The following KIAA1217 variants were observed in gnomAD, a reference collection of about 807,000 sequenced individuals.
The protein encoded by KIAA1217 is sickle tail protein homolog.
In KIAA1217, 88 loss-of-function variants were observed where a neutral mutation model predicts 163.9. That is an observed-to-expected ratio of 0.54 (90% CI 0.45 to 0.64). The LOEUF is 0.64. KIAA1217 is among the 30% of genes least tolerant of loss of function. The pLI is 0.00. For missense variants in KIAA1217, 2,372 were observed against 2,475.0 expected (o/e 0.96, Z 0.88); for synonymous variants, 903 against 923.1 (o/e 0.98, Z 0.39).
intron 2 of KIAA1217, among the ~76,000 whole-genome samples, chr10:24,147,424 A>G (rs1201073340): frequency 6.6e-6 from 1 of 152,158 alleles, no homozygotes; most frequent in Non-Finnish European, 1.5e-5. Flanking sequence ...AATTCTTTGA[A>G]GAGGCCAGTT....
chr10:24,342,781 CCA>C (rs1054727732), intron 2 of KIAA1217, among the ~76,000 whole-genome samples: 1 of 151,622 alleles, frequency 6.6e-6, no homozygotes, highest in African/African-American at 2.4e-5. Context: ...GCCTCAGCTT[CCA>C]GAGTAGCTGG....
chr10:23,714,152 A>G (rs932951685), intron 1 of KIAA1217, among the ~76,000 whole-genome samples: 16 of 151,900 alleles, frequency 1.1e-4, no homozygotes, highest in Non-Finnish European at 2.1e-4. Flanking sequence ...GCTAAGACCA[A>G]CCTTCTAAAT....
chr10:23,830,163 A>G (rs1838110178), intron 1 of KIAA1217, among the ~76,000 whole-genome samples: 1 of 152,136 alleles, frequency 6.6e-6, no homozygotes, highest in Non-Finnish European at 1.5e-5. Context: ...TTTTTGGGTA[A>G]GGTAAATTAT....
chr10:24,189,719 C>A (rs776986513), intron 2 of KIAA1217, among the ~76,000 whole-genome samples: 1 of 152,108 alleles, frequency 6.6e-6, no homozygotes, highest in Non-Finnish European at 1.5e-5. Flanking sequence ...CAGTCTTGTA[C>A]AAGTATGATT....
chr10:23,786,694 A>G (rs1019121859), intron 1 of KIAA1217, among the ~76,000 whole-genome samples: 2 of 152,152 alleles, frequency 1.3e-5, no homozygotes, highest in African/African-American at 2.4e-5. Context: ...CTAATGAAGG[A>G]TTGAAAATTA....
rs189266578 is a variant in KIAA1217 at position 24,315,312 on chromosome 10, A to G, written c.355-65557A>G. 8.4e-4 allele frequency among the ~76,000 whole-genome samples: 128 copies of G among 152,288 alleles called. 1 individual carries two copies. The highest frequency in any genetic ancestry group is 3.0e-3 in the African/African-American group (124 of 41,552). Reference sequence around the variant, plus strand: ...TTTTTCAAAGGTAAAAAGGAGCCCAAATTTCACAGAATGATCTCCCGCTTC... The same window carrying G: ...TTTTTCAAAGGTAAAAAGGAGCCCAGATTTCACAGAATGATCTCCCGCTTC... On this transcript the variant is annotated intron_variant, in intron 2 of 20. Transcript: ENST00000376454.
chr10:24,452,857 C>T (rs1211443106), intron 5 of KIAA1217, among the ~76,000 whole-genome samples: 1 of 151,980 alleles, frequency 6.6e-6, no homozygotes, highest in Admixed American at 6.6e-5. Context: ...TACCCTGATG[C>T]GATTATTACA....
chr10:23,856,264 G>T (rs991484778), intron 1 of KIAA1217, among the ~76,000 whole-genome samples: 3 of 152,220 alleles, frequency 2.0e-5, no homozygotes, highest in Non-Finnish European at 4.4e-5. Flanking sequence ...GTTGGAGTTT[G>T]CTAGAGGTCC....
chr10:23,950,713 G>T (rs1025468765), intron 1 of KIAA1217, among the ~76,000 whole-genome samples: 1 of 152,086 alleles, frequency 6.6e-6, no homozygotes, highest in African/African-American at 2.4e-5. Flanking sequence ...AAGGGATGGG[G>T]TGGGGATGGC....
At chr10:24,419,799 C>T (rs1468917158) in intron 3 of KIAA1217, among the ~76,000 whole-genome samples, 2 of 152,060 alleles carry the variant, frequency 1.3e-5, no homozygotes, top group Admixed American at 1.3e-4. Flanking sequence ...TGGGCTTCCA[C>T]TATGCTCACA....
At chr10:24,477,221 C>T (rs1183677991) in intron 6 of KIAA1217, among the ~76,000 whole-genome samples, 1 of 152,134 alleles carries the variant, frequency 6.6e-6, no homozygotes, top group Non-Finnish European at 1.5e-5. Flanking sequence ...GTGAATGGCA[C>T]CTATCATTTA....
chr10:23,961,143 A>G (rs1231724857), intron 1 of KIAA1217, among the ~76,000 whole-genome samples: 1 of 152,220 alleles, frequency 6.6e-6, no homozygotes, highest in East Asian at 1.9e-4. Flanking sequence ...TGCAATTTCC[A>G]TGAAATACCA....
rs117790539 is a variant in KIAA1217 at position 24,421,618 on chromosome 10, T to C, written c.554-11377T>C. Among the ~76,000 whole-genome samples, 354 of 152,358 alleles carry C rather than the reference T, an allele frequency of 2.3e-3. 15 individuals are homozygous for C. In the East Asian group the frequency reaches 0.058, roughly 25 times the overall value. ...TTCATCACTGAGCCTGATACTTGTTTGAGGTTTTTGCTAAACATAAGAACA... is the reference window on the plus strand; with the variant it reads ...TTCATCACTGAGCCTGATACTTGTTCGAGGTTTTTGCTAAACATAAGAACA... On this transcript the variant is annotated intron_variant, in intron 3 of 20. Coordinates refer to ENST00000376454, the MANE Select transcript of KIAA1217 (RefSeq NM_019590.5).
chr10:24,149,884 A>G (rs764978221), intron 2 of KIAA1217, among the ~76,000 whole-genome samples: 1 of 152,242 alleles, frequency 6.6e-6, no homozygotes, highest in Non-Finnish European at 1.5e-5. Context: ...ACTATTATAT[A>G]GCAAGTTTTT....
At chr10:24,402,384 CT>C (rs1275844008) in intron 3 of KIAA1217, among the ~76,000 whole-genome samples, 2 of 151,900 alleles carry the variant, frequency 1.3e-5, no homozygotes, top group African/African-American at 2.4e-5. Context: ...TGGTGGGCGC[CT>C]GTAGTCCCAA....
intron 1 of KIAA1217, among the ~76,000 whole-genome samples, chr10:23,932,654 A>G (rs185326056): frequency 6.6e-4 from 101 of 152,278 alleles, no homozygotes; most frequent in African/African-American, 2.1e-3. Context: ...GCATCATCTT[A>G]CCCCATACCA....
intron 2 of KIAA1217, among the ~76,000 whole-genome samples, chr10:24,220,754 CTT>C (rs58991505): frequency 0.024 from 1,793 of 74,122 alleles, 9 homozygotes; most frequent in Middle Eastern, 0.034. Flanking sequence ...GCACCCCGGC[CTT>C]TTTTTTTTTT....
At chr10:24,232,935 C>CA (rs908492411) in intron 2 of KIAA1217, among the ~76,000 whole-genome samples, 25,557 of 56,618 alleles carry the variant, frequency 0.45, 8,267 homozygotes, top group Non-Finnish European at 0.55. Flanking sequence ...CTTATCTCTA[C>CA]AAAAAAAAAA....
intron 8 of KIAA1217, among the ~76,000 whole-genome samples, chr10:24,497,010 G>A (rs1052167373): frequency 4.6e-5 from 7 of 152,190 alleles, no homozygotes; most frequent in East Asian, 3.8e-4. Context: ...CACTCCCCAC[G>A]TCTCTGCTAG....
Sources: allele counts gnomAD v4.1 joint callset (sites outside exome capture counted in the v4.1 genomes callset), GRCh38; gene constraint gnomAD v4.1.1; transcripts MANE v1.5; gene names NCBI Gene and HGNC (gene_info 2026-07-23, HGNC 2026-07-21).